Variants in PPP6R3 observed in about 807,000 individuals in gnomAD.
PPP6R3 encodes protein phosphatase 6 regulatory subunit 3.
A neutral mutation model predicts 110.7 loss-of-function variants in PPP6R3; 38 were observed. The ratio of observed to expected loss-of-function variants is 0.34; its 90% confidence interval spans 0.26 to 0.45. The LOEUF (loss-of-function observed/expected upper bound fraction) is 0.45. Ranked by LOEUF, PPP6R3 falls within the 20% of genes least tolerant of loss-of-function variation. PPP6R3 has a pLI of 1.00. For missense variants in PPP6R3, 870 were observed against 1,062.4 expected, an observed-to-expected ratio of 0.82 and a Z score of 2.52; for synonymous variants, 369 against 373.5, an observed-to-expected ratio of 0.99 and a Z score of 0.14.
rs866474001 is a variant in PPP6R3, at chr11:68,568,898, G to A, written c.1129-850G>A. On this transcript the variant is annotated intron_variant, in intron 10 of 23. Coordinates refer to ENST00000393800, the MANE Select transcript of PPP6R3 (RefSeq NM_001164161.2). ...TCCTGCCTCAGCCTCCTGAGTAGCT[G>A]GGGCCACAGGCGCCCGCCACCACAC... Among the ~76,000 whole-genome samples the A allele has an allele frequency of 1.5e-4, 23 of 151,852 alleles. No individual in the cohort carries two copies. The East Asian group carries it at 4.1e-3, about 27-fold the overall frequency.
chr11:68,500,134 C>A (rs1458785104), intron 1 of PPP6R3, among the ~76,000 whole-genome samples: 1 of 152,172 alleles, frequency 6.6e-6, no homozygotes, highest in Non-Finnish European at 1.5e-5. Flanking sequence ...ACCGTAACAA[C>A]CACAAAGCCT....
intron 1 of PPP6R3, among the ~76,000 whole-genome samples, chr11:68,477,744 ATATATATATAT>A (rs1565285486): frequency 8.2e-5 from 4 of 48,962 alleles, no homozygotes; most frequent in Non-Finnish European, 1.5e-4. Context: ...AAAAAAAAAT[ATATATATATAT>A]ATATATATAT....
intron 12 of PPP6R3, among the ~76,000 whole-genome samples, 171 bp from the exon 13 acceptor site, chr11:68,573,938 A>G (rs1423048970): frequency 1.3e-5 from 2 of 152,204 alleles, no homozygotes; most frequent in African/African-American, 4.8e-5. Context: ...CTGCATGGTC[A>G]TATTCTGGCA....
chr11:68,484,829 C>T (rs2098936305), intron 1 of PPP6R3, among the ~76,000 whole-genome samples: 1 of 152,116 alleles, frequency 6.6e-6, no homozygotes, highest in African/African-American at 2.4e-5. Context: ...TCAGGTGGTC[C>T]ACCCACCTCG....
At chr11:68,467,803 CTCAG>C (rs1412770881) in intron 1 of PPP6R3, among the ~76,000 whole-genome samples, 1 of 152,172 alleles carries the variant, frequency 6.6e-6, no homozygotes, top group African/African-American at 2.4e-5. Flanking sequence ...GAGATGGACT[CTCAG>C]TCTGTCGCCC....
intron 22 of PPP6R3, 91 bp from the exon 23 acceptor site, chr11:68,609,813 C>T (rs1361719480): frequency 1.9e-6 from 3 of 1,594,902 alleles, no homozygotes; most frequent in Non-Finnish European, 2.6e-6. Flanking sequence ...GCAGTCATGA[C>T]TCCAGAGCCA....
In PPP6R3 at chr11:68,486,371, C is replaced by T. The variant is rs138464428; in HGVS notation, c.-158+25544C>T. 3.4e-3 allele frequency among the ~76,000 whole-genome samples: 523 copies of T among 151,852 alleles called. 7 individuals carry two copies. Among genetic ancestry groups the T allele is most frequent in the African/African-American group, 0.012 (496 of 41,416 alleles). On this transcript the variant is annotated intron_variant, in intron 1 of 23. Coordinates refer to ENST00000393800, the MANE Select transcript of PPP6R3 (RefSeq NM_001164161.2). ...TTGTAATCCCAGCACTTTGGGAGGC[C>T]GAGGCGGGTGGATCACAAGTTCAGG...
rs370886902 is a variant in PPP6R3, at chr11:68,599,846, A to G, written c.2039-495A>G. On this transcript the variant is annotated intron_variant, in intron 19 of 23. Coordinates refer to ENST00000393800, the MANE Select transcript of PPP6R3 (RefSeq NM_001164161.2). ...TGTTAGAAATGGGAGGTTTGAGGCC[A>G]GGCGCGGTGGCTCACGCCTGTAATC... 1.0e-3 allele frequency among the ~76,000 whole-genome samples: 152 copies of G among 151,894 alleles called. 1 individual carries two copies. The highest frequency in any genetic ancestry group is 3.3e-3 in the African/African-American group (135 of 41,444).
At chr11:68,462,789 C>T (rs2098717646) in intron 1 of PPP6R3, among the ~76,000 whole-genome samples, 1 of 152,146 alleles carries the variant, frequency 6.6e-6, no homozygotes, top group African/African-American at 2.4e-5. Context: ...CGTGCACCTT[C>T]CCCTGGTATT....
intron 1 of PPP6R3, among the ~76,000 whole-genome samples, chr11:68,474,902 CTTTTTTTTA>C (rs1394316829): frequency 2.6e-5 from 4 of 151,676 alleles, no homozygotes; most frequent in Non-Finnish European, 4.4e-5. Context: ...ATTTAACTTC[CTTTTTTTTA>C]TTTTTTTTAT....
rs948864 is a variant in PPP6R3, at chr11:68,603,070, C to T, written c.2300-272C>T. Among the ~76,000 whole-genome samples the T allele has an allele frequency of 9.4e-4, 143 of 152,224 alleles. 1 individual carries two copies. The highest frequency in any genetic ancestry group is 3.3e-3 in the African/African-American group (139 of 41,522). ...GAGCACAAGTGTCTGCTGGGAGAAG[C>T]TGGGTATGGAGGTGGACGCTGAGCT... On this transcript the variant is annotated intron_variant, in intron 21 of 23. Transcript: ENST00000393800.
chr11:68,574,100 T>G lies in PPP6R3; in HGVS notation c.1344-9T>G. ...GGAATCTGAGTATTTGTCCTTTACC[T>G]CTTGTCAGGGCTGAGGGAGGAAGAC... On this transcript the variant is annotated splice_polypyrimidine_tract_variant and intron_variant, in intron 12 of 23. Transcript: ENST00000393800. The G allele has an allele frequency of 6.3e-7, 1 of 1,598,984 alleles. No homozygotes were observed. Among genetic ancestry groups the G allele is most frequent in the Non-Finnish European group, 8.6e-7 (1 of 1,166,420 alleles).
At chr11:68,486,154 A>G (rs892259146) in intron 1 of PPP6R3, among the ~76,000 whole-genome samples, 16 of 152,118 alleles carry the variant, frequency 1.1e-4, no homozygotes, top group African/African-American at 3.4e-4. Flanking sequence ...CTTTTTATGT[A>G]TAATTATTTT....
chr11:68,470,571 G>A (rs908776002), intron 1 of PPP6R3, among the ~76,000 whole-genome samples: 1 of 152,164 alleles, frequency 6.6e-6, no homozygotes, highest in Non-Finnish European at 1.5e-5. Context: ...TTGAGCAGAG[G>A]TGTCACATGA....
In PPP6R3 at chr11:68,515,924, C is replaced by T. The variant is rs117837240; in HGVS notation, c.-157-3577C>T. The stretch of plus-strand genomic sequence containing the variant: ...AAATACATATTAAAAAATTTACCAT[C>T]TTAGCCTTTTTAAGTGTACAGTTAA... On this transcript the variant is annotated intron_variant, in intron 1 of 23. Transcript: ENST00000393800. 1.4e-4 allele frequency among the ~76,000 whole-genome samples: 22 copies of T among 152,306 alleles called. 1 individual carries two copies. In the East Asian group the frequency reaches 3.7e-3, roughly 25 times the overall value.
chr11:68,485,825 G>A (rs1355156372), intron 1 of PPP6R3, among the ~76,000 whole-genome samples: 1 of 152,262 alleles, frequency 6.6e-6, no homozygotes, highest in Middle Eastern at 3.4e-3. Flanking sequence ...CTCCCAAGTA[G>A]CAGGGACTAC....
chr11:68,530,405 T>C (rs1315183992), intron 2 of PPP6R3, among the ~76,000 whole-genome samples: 1 of 152,250 alleles, frequency 6.6e-6, no homozygotes, highest in Non-Finnish European at 1.5e-5. Context: ...TAAAAGTCAA[T>C]AACACATTTT....
At position 68,545,043 on chromosome 11, in the gene PPP6R3, A is replaced by C. The variant is rs995767978; in HGVS notation, c.414+19A>C. On this transcript the variant is annotated intron_variant, in intron 4 of 23. Coordinates refer to ENST00000393800, the MANE Select transcript of PPP6R3 (RefSeq NM_001164161.2). The stretch of plus-strand genomic sequence containing the variant: ...AGAACAGGTAAATATGATTTTCCAA[A>C]AGGTAAGTATTAGGGCTGATCATCC... The C allele has an allele frequency of 1.9e-6, 3 of 1,561,278 alleles. No homozygotes were observed. Among genetic ancestry groups the C allele is most frequent in the African/African-American group, 2.7e-5 (2 of 73,544 alleles).
At chr11:68,462,915 T>C (rs573290137) in intron 1 of PPP6R3, among the ~76,000 whole-genome samples, 120 of 152,280 alleles carry the variant, frequency 7.9e-4, no homozygotes, top group Middle Eastern at 3.4e-3. Context: ...AGAAGATTGT[T>C]TTCGGTTTAG....
Sources: gnomAD v4.1 joint callset for allele counts (sites outside exome capture counted in the v4.1 genomes callset) on GRCh38, gnomAD v4.1.1 for gene constraint, MANE v1.5 for transcripts, NCBI Gene and HGNC (gene_info 2026-07-23, HGNC 2026-07-21) for gene names.